The following DRC8 variants were observed in gnomAD, a reference collection of about 807,000 sequenced individuals.
DRC8 encodes dynein regulatory complex subunit 8, also known as dynein regulatory complex protein 8.
chr1:245,065,832 G>A, the DRC8 span, among the ~76,000 whole-genome samples: 7 of 151,564 alleles, frequency 4.6e-5, no homozygotes, highest in African/African-American at 7.3e-5. Flanking sequence ...AGGCAAAAGC[G>A]TCTAGCTGCC....
chr1:245,057,639 C>CTT, the DRC8 span, among the ~76,000 whole-genome samples: 194 of 144,542 alleles, frequency 1.3e-3, no homozygotes, highest in Non-Finnish European at 1.9e-3. Context: ...CTTCAAAAAT[C>CTT]TTTTTTTTTT....
the DRC8 span, among the ~76,000 whole-genome samples, chr1:245,001,904 C>T: frequency 2.0e-4 from 30 of 152,180 alleles, no homozygotes; most frequent in Admixed American, 2.0e-4. Flanking sequence ...TGTTAGGTTT[C>T]AGTCAGTTCA....
chr1:245,111,532 T>C, the DRC8 span, among the ~76,000 whole-genome samples: 111 of 152,326 alleles, frequency 7.3e-4, no homozygotes, highest in African/African-American at 2.5e-3. Flanking sequence ...TATTTATAGA[T>C]TTTGGCTTCT....
the DRC8 span, among the ~76,000 whole-genome samples, chr1:245,045,333 A>C: frequency 6.6e-6 from 1 of 152,218 alleles, no homozygotes; most frequent in Non-Finnish European, 1.5e-5. Flanking sequence ...TGTGACTGCA[A>C]GTTGTCCAGG....
At chr1:245,042,585 C>A in the DRC8 span, among the ~76,000 whole-genome samples, 1 of 152,174 alleles carries the variant, frequency 6.6e-6, no homozygotes, top group Non-Finnish European at 1.5e-5. Context: ...GATACCAGCA[C>A]ATCATAGGGT....
chr1:245,117,471 C>A, the DRC8 span, among the ~76,000 whole-genome samples: 1 of 152,030 alleles, frequency 6.6e-6, no homozygotes, highest in South Asian at 2.1e-4. Context: ...GTTGCCCAGG[C>A]TGGACTGCAG....
chr1:245,073,831 C>T, the DRC8 span, among the ~76,000 whole-genome samples: 1 of 151,972 alleles, frequency 6.6e-6, no homozygotes, highest in Non-Finnish European at 1.5e-5. Context: ...GGATCGAATC[C>T]CTGCGTGATT....
the DRC8 span, among the ~76,000 whole-genome samples, chr1:245,105,636 A>C: frequency 3.8e-3 from 569 of 150,960 alleles, 4 homozygotes; most frequent in African/African-American, 0.013. Context: ...AAAAAAAAAA[A>C]AACAAAAAAC....
At chr1:245,084,707 G>C in the DRC8 span, among the ~76,000 whole-genome samples, 4 of 152,132 alleles carry the variant, frequency 2.6e-5, no homozygotes, top group Non-Finnish European at 5.9e-5. Context: ...CACAGACTGG[G>C]TCCTGAATGA....
the DRC8 span, among the ~76,000 whole-genome samples, chr1:245,037,913 A>G: frequency 6.6e-6 from 1 of 152,166 alleles, no homozygotes; most frequent in African/African-American, 2.4e-5. Context: ...GCTAAAATTT[A>G]TAGACAAAAA....
At chr1:245,102,547 G>A in the DRC8 span, among the ~76,000 whole-genome samples, 39 of 151,902 alleles carry the variant, frequency 2.6e-4, no homozygotes, top group Admixed American at 2.4e-3. Flanking sequence ...ACGGGGTTTC[G>A]CCATGATGGC....
chr1:244,982,722 A>T, the DRC8 span, among the ~76,000 whole-genome samples: 1 of 152,178 alleles, frequency 6.6e-6, no homozygotes, highest in Non-Finnish European at 1.5e-5. Flanking sequence ...GGGATAATTT[A>T]AAAGGTGTGA....
chr1:245,075,994 G>A, the DRC8 span, among the ~76,000 whole-genome samples: 2,274 of 152,300 alleles, frequency 0.015, 51 homozygotes, highest in African/African-American at 0.051. Flanking sequence ...GACATGGGGC[G>A]AGGCAACAAG....
the DRC8 span, among the ~76,000 whole-genome samples, chr1:245,121,345 C>G: frequency 2.2e-4 from 33 of 152,298 alleles, no homozygotes; most frequent in Non-Finnish European, 3.7e-4. Flanking sequence ...AGTCCAAAAG[C>G]AGACATAGCT....
chr1:245,055,414 G>A, the DRC8 span, among the ~76,000 whole-genome samples: 79 of 152,160 alleles, frequency 5.2e-4, no homozygotes, highest in Middle Eastern at 0.01. Flanking sequence ...TGAACTCCTC[G>A]GCTCAACCGA....
the DRC8 span, among the ~76,000 whole-genome samples, chr1:245,053,595 C>T: frequency 2.0e-5 from 3 of 152,272 alleles, no homozygotes; most frequent in Admixed American, 6.5e-5. Context: ...TTGAGGAAGC[C>T]GTGGTATTGT....
At chr1:245,051,305 T>C in the DRC8 span, among the ~76,000 whole-genome samples, 19 of 151,952 alleles carry the variant, frequency 1.3e-4, no homozygotes, top group Non-Finnish European at 1.5e-5. Flanking sequence ...AGCAGGAGAA[T>C]CGCTTGAGCC....
At chr1:244,993,597 A>G in the DRC8 span, among the ~76,000 whole-genome samples, 2 of 152,230 alleles carry the variant, frequency 1.3e-5, no homozygotes, top group Non-Finnish European at 2.9e-5. Flanking sequence ...GTCTTCGTGT[A>G]TTTGTGCTGC....
At chr1:244,970,179 G>T in the DRC8 span, 8 of 710,018 alleles carry the variant, frequency 1.1e-5, no homozygotes, top group South Asian at 3.0e-5. Flanking sequence ...ACAAGGCCGG[G>T]GGCCGGGTGG....
Sources: gnomAD v4.1 joint callset for allele counts (sites outside exome capture counted in the v4.1 genomes callset) on GRCh38, gnomAD v4.1.1 for gene constraint, MANE v1.5 for transcripts, NCBI Gene and HGNC (gene_info 2026-07-23, HGNC 2026-07-21) for gene names.